The following AP1S3 variants were observed in gnomAD, a reference collection of about 807,000 sequenced individuals.
AP1S3 encodes the protein adaptor related protein complex 1 subunit sigma 3.
A neutral mutation model predicts 20.9 loss-of-function variants in AP1S3; 10 were observed. That is an observed-to-expected ratio of 0.48 (90% confidence interval 0.29 to 0.81). AP1S3 has a LOEUF of 0.81. Among genes scored for constraint, AP1S3 ranks in the 30% least tolerant of loss-of-function variants. AP1S3 has a pLI of 0.08. For synonymous variants in AP1S3, 41 were observed against 61.5 expected (o/e 0.67, Z 1.56); for missense variants, 154 against 183.8 (o/e 0.84, Z 0.94).
At position 223,808,520 on chromosome 2, in the gene AP1S3, TG is replaced by T. The variant is rs781422079; in HGVS notation, c.3+28927del. Among the ~76,000 whole-genome samples the T allele has an allele frequency of 9.1e-4, 138 of 152,344 alleles. 1 individual carries two copies. Among genetic ancestry groups the T allele is most frequent in the Non-Finnish European group, 1.7e-3 (115 of 68,034 alleles). ...ACTTTTATGTTAGAAAGTTGCAGAATGTATCATTCCTAATTTTAAATGACCC... is the reference window on the plus strand; with the variant it reads ...ACTTTTATGTTAGAAAGTTGCAGAATTATCATTCCTAATTTTAAATGACCC... On this transcript the variant is annotated intron_variant, in intron 1 of 4. Transcript: ENST00000396654.
Position 223,756,421 on chromosome 2 carries a change from G to T in AP1S3, c.*2294C>A. 3.2e-6 allele frequency: 2 copies of T among 621,240 alleles called. No homozygotes were observed. Among genetic ancestry groups the T allele is most frequent in the Non-Finnish European group, 3.9e-6 (2 of 516,882 alleles). 38.5% of individuals were successfully genotyped at this position (621,240 alleles called of 1,614,324 possible). On this transcript the variant is annotated 3_prime_UTR_variant, in exon 5 of 5. Transcript: ENST00000396654. The stretch of plus-strand genomic sequence containing the variant: ...AGGAAGGAAGGGAGGGAAGGAGAGA[G>T]AGAGAAGAAGGAAGGAAGAAAGGAA...
chr2:223,758,888 T>G, intron 4 of AP1S3, 138 bp from the exon 5 acceptor site: 1 of 710,752 alleles, frequency 1.4e-6, no homozygotes, highest in East Asian at 3.0e-5. Context: ...TATAAAATCT[T>G]TGCATTCTAA....
At chr2:223,783,330 CTT>C (rs2106096313) in intron 1 of AP1S3, among the ~76,000 whole-genome samples, 1 of 152,252 alleles carries the variant, frequency 6.6e-6, no homozygotes, top group Non-Finnish European at 1.5e-5. Flanking sequence ...AAAGGGGCAA[CTT>C]CTGCCAGCCG....
intron 1 of AP1S3, among the ~76,000 whole-genome samples, chr2:223,820,774 T>C (rs545162338): frequency 6.6e-6 from 1 of 152,084 alleles, no homozygotes; most frequent in South Asian, 2.1e-4. Context: ...ATGACTCCAC[T>C]TTTTCTCGGG....
At position 223,758,055 on chromosome 2, in the gene AP1S3, TA is replaced by T; in HGVS notation, c.*659del. On this transcript the variant is annotated 3_prime_UTR_variant, in exon 5 of 5. Coordinates refer to ENST00000396654, the MANE Select transcript of AP1S3 (RefSeq NM_001039569.2). Reference sequence around the variant, plus strand: ...CCTTATATTCAATTAAAAGATAAATTAAAACCTCAGTCAAGATAGCAGCTTC... The same window carrying T: ...CCTTATATTCAATTAAAAGATAAATTAAACCTCAGTCAAGATAGCAGCTTC... The T allele has an allele frequency of 1.0e-6, 1 of 982,302 alleles. No homozygotes were observed. Among genetic ancestry groups the T allele is most frequent in the African/African-American group, 1.7e-5 (1 of 57,214 alleles). 60.8% of individuals were successfully genotyped at this position (982,302 alleles called of 1,614,324 possible). A position where few individuals can be genotyped will look rare whatever the true frequency, so the allele number is the denominator to read the frequency against.
At chr2:223,777,662 A>C (rs1230017905) in intron 2 of AP1S3, 29 bp downstream of exon 2, 2 of 1,598,860 alleles carry the variant, frequency 1.3e-6, no homozygotes, top group Non-Finnish European at 1.7e-6. Context: ...TAAGACTGAG[A>C]AATTGAGCTC....
In AP1S3 at chr2:223,812,341, C is replaced by G. The variant is rs1002250317; in HGVS notation, c.3+25107G>C. On this transcript the variant is annotated intron_variant, in intron 1 of 4. Coordinates refer to ENST00000396654, the MANE Select transcript of AP1S3 (RefSeq NM_001039569.2). ...GGTTCAAGTGATTTTCCTGTCTCAG[C>G]CTCCCGAGTAGCTGGGATTATAGGC... is the stretch of plus-strand genomic sequence containing the variant. Among the ~76,000 whole-genome samples, 4 of 152,332 alleles carry G rather than the reference C, an allele frequency of 2.6e-5. No homozygotes were observed. In the East Asian group the frequency reaches 5.8e-4, roughly 22 times the overall value.
rs114162776 is a variant in AP1S3 at position 223,817,768 on chromosome 2, A to G, written c.3+19680T>C. Among the ~76,000 whole-genome samples, 997 of 152,090 alleles carry G rather than the reference A, an allele frequency of 6.6e-3. 32 individuals are homozygous for G. The highest frequency in any genetic ancestry group is 0.023 in the African/African-American group (939 of 41,364). ...TATGAGCTGAAGAACATCAGAGACT[A>G]TTTGGCCCACTAACTCTTACTACTC... is the stretch of plus-strand genomic sequence containing the variant. On this transcript the variant is annotated intron_variant, in intron 1 of 4. Coordinates refer to ENST00000396654, the MANE Select transcript of AP1S3 (RefSeq NM_001039569.2).
At chr2:223,799,917 CAATT>C (rs59525983) in intron 1 of AP1S3, among the ~76,000 whole-genome samples, 61,923 of 151,710 alleles carry the variant, frequency 0.41, 12,751 homozygotes, top group Middle Eastern at 0.48. Flanking sequence ...ATTCAAAAAT[CAATT>C]AATGTATGGC....
intron 1 of AP1S3, among the ~76,000 whole-genome samples, chr2:223,818,912 A>T (rs1355586803): frequency 6.6e-6 from 1 of 152,202 alleles, no homozygotes; most frequent in Non-Finnish European, 1.5e-5. Context: ...TGCTTTAAAG[A>T]TGACATCACT....
intron 1 of AP1S3, among the ~76,000 whole-genome samples, chr2:223,811,322 C>A (rs1202007823): frequency 6.6e-6 from 1 of 152,090 alleles, no homozygotes; most frequent in Non-Finnish European, 1.5e-5. Flanking sequence ...AATCCCAACA[C>A]TTTTGGAGGC....
intron 3 of AP1S3, among the ~76,000 whole-genome samples, chr2:223,773,735 CAAG>C (rs145886951): frequency 0.65 from 98,545 of 151,530 alleles, 32,750 homozygotes; most frequent in East Asian, 0.81. Context: ...AGAATAACAA[CAAG>C]AACAAAAAAA....
chr2:223,777,404 A>T (rs1265508731), intron 2 of AP1S3, among the ~76,000 whole-genome samples: 3 of 152,072 alleles, frequency 2.0e-5, no homozygotes, highest in African/African-American at 7.2e-5. Context: ...CCAACAAATT[A>T]AAAAAGAACA....
At chr2:223,815,187 T>C (rs1157134906) in intron 1 of AP1S3, among the ~76,000 whole-genome samples, 1 of 152,250 alleles carries the variant, frequency 6.6e-6, no homozygotes, top group African/African-American at 2.4e-5. Flanking sequence ...AAAATAAATG[T>C]CAATGTGCCA....
At chr2:223,788,094 G>A (rs1691118114) in intron 1 of AP1S3, among the ~76,000 whole-genome samples, 1 of 151,860 alleles carries the variant, frequency 6.6e-6, no homozygotes. Context: ...TTATAGACAT[G>A]TGCCACCATG....
At chr2:223,831,128 C>A (rs752263459) in intron 1 of AP1S3, among the ~76,000 whole-genome samples, 1 of 151,996 alleles carries the variant, frequency 6.6e-6, no homozygotes, top group African/African-American at 2.4e-5. Context: ...GAGCCTCCAA[C>A]CCTGGCCCCT....
In AP1S3 at chr2:223,758,333, T is replaced by C. The variant is rs1690273971; in HGVS notation, c.*382A>G. 3.0e-6 allele frequency: 3 copies of C among 993,308 alleles called. No homozygotes were observed. Among genetic ancestry groups the C allele is most frequent in the South Asian group, 4.7e-5 (1 of 21,340 alleles). 61.5% of individuals were successfully genotyped at this position (993,308 alleles called of 1,614,324 possible). A position where few individuals can be genotyped will look rare whatever the true frequency, so the allele number is the denominator to read the frequency against. On this transcript the variant is annotated 3_prime_UTR_variant, in exon 5 of 5. Coordinates refer to ENST00000396654, the MANE Select transcript of AP1S3 (RefSeq NM_001039569.2). ...AAAGTATTAATGACATCATATATACTTTACATTCAAAATCATGGATTATTA... is the reference window on the plus strand; with the variant it reads ...AAAGTATTAATGACATCATATATACCTTACATTCAAAATCATGGATTATTA...
chr2:223,827,514 C>T (rs1224261260), intron 1 of AP1S3, among the ~76,000 whole-genome samples: 1 of 152,008 alleles, frequency 6.6e-6, no homozygotes, highest in African/African-American at 2.4e-5. Context: ...TCCGAAGTAA[C>T]TGGGATTACA....
chr2:223,807,259 C>A (rs187699548), intron 1 of AP1S3, among the ~76,000 whole-genome samples: 28 of 151,978 alleles, frequency 1.8e-4, no homozygotes, highest in African/African-American at 6.8e-4. Context: ...AGAGTAAGAC[C>A]CTGTCTCAAA....
Sources: allele counts gnomAD v4.1 joint callset (sites outside exome capture counted in the v4.1 genomes callset), GRCh38; gene constraint gnomAD v4.1.1; transcripts MANE v1.5; gene names NCBI Gene and HGNC (gene_info 2026-07-23, HGNC 2026-07-21).